POP1: variants seen among roughly 807,000 people sequenced by gnomAD.
POP1 encodes the protein POP1 ribonuclease P/MRP subunit.
POP1 carries 75 observed loss-of-function variants against 102.2 expected under a neutral mutation model. The observed-to-expected ratio is 0.73, with a 90% CI of 0.61 to 0.89. The LOEUF is 0.89. Among genes scored for constraint, POP1 ranks in the 40% least tolerant of loss-of-function variants. The pLI, the probability that POP1 is intolerant of heterozygous loss-of-function variation, is 0.00. For missense variants in POP1, 1,116 were observed against 1,267.4 expected (o/e 0.88, Z 1.81); for synonymous variants, 436 against 464.1 (o/e 0.94, Z 0.78).
chr8:98,145,455 C>T (rs1450242959), intron 11 of POP1, among the ~76,000 whole-genome samples: 1 of 151,904 alleles, frequency 6.6e-6, no homozygotes, highest in African/African-American at 2.4e-5. Flanking sequence ...GATGTTTTTC[C>T]CTGGGGATTA....
At chr8:98,125,247 G>A (rs1039900017) in intron 2 of POP1, among the ~76,000 whole-genome samples, 27 of 143,992 alleles carry the variant, frequency 1.9e-4, no homozygotes, top group African/African-American at 7.1e-4. Flanking sequence ...GTGCAATGGT[G>A]CGATCTCGGC....
At chr8:98,150,022 C>T (rs911564292) in intron 13 of POP1, among the ~76,000 whole-genome samples, 6 of 152,150 alleles carry the variant, frequency 3.9e-5, no homozygotes, top group Non-Finnish European at 5.9e-5. Context: ...GCCATTTACC[C>T]GCCATCCGGC....
intron 9 of POP1, among the ~76,000 whole-genome samples, chr8:98,137,802 C>T (rs1816590606): frequency 6.6e-6 from 1 of 152,130 alleles, no homozygotes; most frequent in Admixed American, 6.5e-5. Flanking sequence ...CTTTAATTAA[C>T]TAAAAATTAA....
chr8:98,142,120 A>G (rs1816721626), intron 11 of POP1, among the ~76,000 whole-genome samples: 1 of 152,178 alleles, frequency 6.6e-6, no homozygotes, highest in South Asian at 2.1e-4. Flanking sequence ...GTTGACTATT[A>G]TAATTGCCTT....
At chr8:98,146,543 G>T (rs1816847397) in intron 11 of POP1, 25 bp from the exon 12 acceptor site, 1 of 1,534,660 alleles carries the variant, frequency 6.5e-7, no homozygotes, top group South Asian at 1.1e-5. Flanking sequence ...GATGTGGTTT[G>T]AAGGCTATTT....
chr8:98,149,461 A>G (rs1199378306), intron 13 of POP1, among the ~76,000 whole-genome samples: 2 of 152,110 alleles, frequency 1.3e-5, no homozygotes, highest in African/African-American at 4.8e-5. Flanking sequence ...GGTTATTTCA[A>G]ATATTACTTT....
At chr8:98,153,959 A>G (rs1023189875) in intron 14 of POP1, among the ~76,000 whole-genome samples, 3 of 152,182 alleles carry the variant, frequency 2.0e-5, no homozygotes, top group African/African-American at 7.2e-5. Context: ...ACATGGATTT[A>G]TTTAGCTAGG....
At chr8:98,147,071 C>CT (rs1809376833) in intron 12 of POP1, among the ~76,000 whole-genome samples, 1 of 152,132 alleles carries the variant, frequency 6.6e-6, no homozygotes, top group Non-Finnish European at 1.5e-5. Flanking sequence ...TTATTGTTTT[C>CT]TTTTCCCTTA....
chr8:98,126,133 G>A (rs901210802), intron 2 of POP1, among the ~76,000 whole-genome samples: 1 of 151,958 alleles, frequency 6.6e-6, no homozygotes, highest in Non-Finnish European at 1.5e-5. Context: ...AGAGGTGTGA[G>A]CCACCACATC....
chr8:98,121,643 G>A (rs551114464), intron 1 of POP1, among the ~76,000 whole-genome samples: 4 of 149,134 alleles, frequency 2.7e-5, no homozygotes, highest in African/African-American at 2.5e-5. Context: ...GCAGCCTCCC[G>A]AATAGCTGGG....
intron 14 of POP1, among the ~76,000 whole-genome samples, chr8:98,152,942 C>T (rs977596512): frequency 6.6e-6 from 1 of 152,066 alleles, no homozygotes; most frequent in Non-Finnish European, 1.5e-5. Context: ...ACAAGGCAGA[C>T]AAGTCTGTCT....
Position 98,130,201 on chromosome 8 carries a change from C to A in POP1, c.710C>A (p.Ala237Asp). The A allele has an allele frequency of 6.2e-7, 1 of 1,614,164 alleles. No homozygotes were observed. The highest frequency in any genetic ancestry group is 1.7e-5 in the Admixed American group (1 of 60,016). ...TVKSHRACYRAMTNRCLLQDL... is the reference protein window; with the variant it reads ...TVKSHRACYRDMTNRCLLQDL... ...AAGAGCCACAGAGCCTGCTATCGAG[C>A]CATGACGAACCGGTGCCTCCTGCAG... The change falls in exon 5 of 16, where the codon GCC (alanine) becomes GAC (aspartate). Residue 237 changes from alanine to aspartate, a missense_variant. Transcript: ENST00000401707.
chr8:98,120,519 T>G (rs947215448), intron 1 of POP1, among the ~76,000 whole-genome samples: 5 of 152,248 alleles, frequency 3.3e-5, no homozygotes, highest in African/African-American at 9.6e-5. Context: ...TCGCCCAGGC[T>G]GGAGTGCAGT....
At chr8:98,130,338 A>C in intron 5 of POP1, 112 bp downstream of exon 5, 1 of 1,488,076 alleles carries the variant, frequency 6.7e-7, no homozygotes, top group Admixed American at 1.8e-5. Context: ...ATTCATTTTA[A>C]AAATAATTCC....
chr8:98,134,408 A>G, intron 6 of POP1, 64 bp from the exon 7 acceptor site: 1 of 1,509,090 alleles, frequency 6.6e-7, no homozygotes, highest in South Asian at 1.1e-5. Context: ...CAGTGTGGTT[A>G]TCAGGAAATA....
At chr8:98,134,410 C>T (rs1816470650) in intron 6 of POP1, 62 bp from the exon 7 acceptor site, 1 of 1,526,740 alleles carries the variant, frequency 6.5e-7, no homozygotes, top group Admixed American at 1.7e-5. Context: ...GTGTGGTTAT[C>T]AGGAAATAGG....
At chr8:98,125,222 G>A (rs1428528599) in intron 2 of POP1, among the ~76,000 whole-genome samples, 1 of 117,224 alleles carries the variant, frequency 8.5e-6, no homozygotes, top group African/African-American at 3.4e-5. Flanking sequence ...GTCTTGCTCT[G>A]TCACCCAGGC....
At chr8:98,129,954 A>G (rs773079235) in intron 4 of POP1, 24 bp from the exon 5 acceptor site, 1 of 1,612,992 alleles carries the variant, frequency 6.2e-7, no homozygotes. Flanking sequence ...AAACTGGGAT[A>G]TGTCCCTCTA....
intron 14 of POP1, among the ~76,000 whole-genome samples, chr8:98,154,282 GC>G (rs1349778315): frequency 7.2e-5 from 11 of 152,352 alleles, no homozygotes; most frequent in African/African-American, 2.6e-4. Context: ...AGAGTTGGCT[GC>G]GCCCAGGTCA....
Sources: gnomAD v4.1 joint callset for allele counts (sites outside exome capture counted in the v4.1 genomes callset) on GRCh38, gnomAD v4.1.1 for gene constraint, MANE v1.5 for transcripts, NCBI Gene and HGNC (gene_info 2026-07-23, HGNC 2026-07-21) for gene names.